The following PDE4B variants were observed in gnomAD, a reference collection of about 807,000 sequenced individuals.
PDE4B encodes phosphodiesterase 4B, also known as 3',5'-cyclic-AMP phosphodiesterase 4B.
Under a neutral mutation model 82.2 loss-of-function variants are expected in PDE4B, and 20 were observed. The ratio of observed to expected loss-of-function variants is 0.24; its 90% CI spans 0.17 to 0.35. The LOEUF is 0.35. Among genes scored for constraint, PDE4B ranks in the 10% least tolerant of loss-of-function variants. The pLI is 1.00. For synonymous variants in PDE4B, 320 were observed against 318.9 expected (o/e 1.00, Z -0.04); for missense variants, 655 against 907.2 (o/e 0.72, Z 3.57).
intron 3 of PDE4B, among the ~76,000 whole-genome samples, chr1:65,928,355 C>A (rs1273647421): frequency 3.9e-5 from 6 of 152,186 alleles, no homozygotes; most frequent in Admixed American, 3.9e-4. Context: ...ATGCAGTAGG[C>A]TTCCTATCAA....
At chr1:65,869,016 A>G (rs993817782) in intron 1 of PDE4B, among the ~76,000 whole-genome samples, 1 of 152,222 alleles carries the variant, frequency 6.6e-6, no homozygotes, top group Non-Finnish European at 1.5e-5. Context: ...GGGAATACAG[A>G]TAATCTGGGT....
intron 3 of PDE4B, among the ~76,000 whole-genome samples, chr1:66,210,137 A>G (rs1015209399): frequency 6.6e-6 from 1 of 152,184 alleles, no homozygotes; most frequent in African/African-American, 2.4e-5. Flanking sequence ...CATGTATTTA[A>G]TTATACATTT....
chr1:65,827,992 G>A (rs753009290), intron 1 of PDE4B, among the ~76,000 whole-genome samples: 3 of 152,042 alleles, frequency 2.0e-5, no homozygotes, highest in African/African-American at 7.2e-5. Flanking sequence ...CTGAAGTGAC[G>A]TATTTAAAGT....
intron 1 of PDE4B, among the ~76,000 whole-genome samples, chr1:65,840,547 A>G (rs1399376519): frequency 1.3e-5 from 2 of 152,218 alleles, no homozygotes; most frequent in East Asian, 3.8e-4. Flanking sequence ...AACAAAAAAG[A>G]GTTTGAAGAT....
chr1:66,146,499 T>G (rs1260435313), intron 3 of PDE4B, among the ~76,000 whole-genome samples: 1 of 152,116 alleles, frequency 6.6e-6, no homozygotes, highest in African/African-American at 2.4e-5. Flanking sequence ...AGTGTGATTT[T>G]ATGGACTTAG....
chr1:66,149,714 G>A (rs1303063813), intron 3 of PDE4B, among the ~76,000 whole-genome samples: 1 of 152,098 alleles, frequency 6.6e-6, no homozygotes, highest in African/African-American at 2.4e-5. Context: ...TTATCCAGGT[G>A]TGGTGGCACA....
chr1:66,296,435 G>A (rs1206891249), intron 7 of PDE4B, among the ~76,000 whole-genome samples: 2 of 152,132 alleles, frequency 1.3e-5, no homozygotes, highest in African/African-American at 4.8e-5. Flanking sequence ...TTCTTTTTCT[G>A]TTGCCAATAG....
chr1:66,221,751 C>T (rs761627062), intron 3 of PDE4B, among the ~76,000 whole-genome samples: 2 of 152,108 alleles, frequency 1.3e-5, no homozygotes, highest in Non-Finnish European at 2.9e-5. Flanking sequence ...ATATTTTCTC[C>T]TTTTATCCCT....
chr1:65,842,831 T>G (rs911588998), intron 1 of PDE4B, among the ~76,000 whole-genome samples: 3 of 152,178 alleles, frequency 2.0e-5, no homozygotes, highest in Non-Finnish European at 4.4e-5. Context: ...TAGAGTTGCA[T>G]GCAGAGCACA....
At chr1:65,936,338 T>G (rs992707437) in intron 3 of PDE4B, among the ~76,000 whole-genome samples, 5 of 152,142 alleles carry the variant, frequency 3.3e-5, no homozygotes, top group Non-Finnish European at 7.4e-5. Flanking sequence ...ACAGTAGGTT[T>G]GTTTACACCA....
chr1:66,103,924 T>TTTTTATTATTTCTTTA (rs1645280191), intron 3 of PDE4B, among the ~76,000 whole-genome samples: 1 of 152,008 alleles, frequency 6.6e-6, no homozygotes, highest in Non-Finnish European at 1.5e-5. Context: ...AGGCATTATT[T>TTTTTATTATTTCTTTA]TTTTATTATT....
At chr1:65,809,878 A>G (rs1645800142) in intron 1 of PDE4B, among the ~76,000 whole-genome samples, 1 of 152,276 alleles carries the variant, frequency 6.6e-6, no homozygotes, top group Non-Finnish European at 1.5e-5. Flanking sequence ...AATGACAAAT[A>G]TCTTGATAAA....
chr1:66,365,667 G>A lies in PDE4B; in HGVS notation c.1285G>A (p.Ala429Thr), dbSNP rs776557779. The change falls in exon 13 of 17, where the codon GCT (alanine) becomes ACT (threonine). Residue 429 changes from alanine (A) to threonine (T), a missense_variant and splice_region_variant. Ala to Thr is a moderately conservative substitution (Grantham distance 58, BLOSUM62 0). Transcript: ENST00000341517. ...HVLLSTPALDAVFTDLEILAA... is the reference protein window; with the variant it reads ...HVLLSTPALDTVFTDLEILAA... ...TTAAATGTGTTTATTTGCCCGACAG[G>A]CTGTCTTCACAGATTTGGAGATCCT... 1.9e-6 allele frequency: 3 copies of A among 1,596,246 alleles called. No individual in the cohort carries two copies. Among genetic ancestry groups the A allele is most frequent in the African/African-American group, 1.3e-5 (1 of 74,640 alleles).
At chr1:65,995,710 C>T (rs1043473084) in intron 3 of PDE4B, among the ~76,000 whole-genome samples, 6 of 152,258 alleles carry the variant, frequency 3.9e-5, no homozygotes, top group South Asian at 2.1e-4. Context: ...CAGCCTTTCA[C>T]GATCAACAAT....
intron 3 of PDE4B, among the ~76,000 whole-genome samples, chr1:66,194,954 T>A (rs886718311): frequency 3.3e-5 from 5 of 152,164 alleles, no homozygotes; most frequent in African/African-American, 1.2e-4. Flanking sequence ...TATATAATTG[T>A]GAGTCATTAC....
At chr1:66,241,697 A>AT (rs1425887068) in intron 3 of PDE4B, among the ~76,000 whole-genome samples, 7 of 152,044 alleles carry the variant, frequency 4.6e-5, no homozygotes, top group African/African-American at 1.4e-4. Context: ...GAAACACAGC[A>AT]TTTTTTCATG....
At chr1:66,056,486 A>ATCG (rs1655301444) in intron 3 of PDE4B, among the ~76,000 whole-genome samples, 1 of 55,566 alleles carries the variant, frequency 1.8e-5, no homozygotes, top group Non-Finnish European at 4.1e-5. Context: ...TCTATCTATC[A>ATCG]TCTATCTATC....
intron 1 of PDE4B, among the ~76,000 whole-genome samples, chr1:65,806,702 A>T (rs561481027): frequency 6.6e-6 from 1 of 152,308 alleles, no homozygotes; most frequent in South Asian, 2.1e-4. Flanking sequence ...ATGTTGTTAA[A>T]CATGCTTGAT....
At chr1:65,821,964 G>A (rs1645957858) in intron 1 of PDE4B, among the ~76,000 whole-genome samples, 2 of 152,140 alleles carry the variant, frequency 1.3e-5, no homozygotes, top group East Asian at 1.9e-4. Flanking sequence ...AAAACAGAAC[G>A]TTACCAACAT....
Sources: gnomAD v4.1 joint callset for allele counts (sites outside exome capture counted in the v4.1 genomes callset) on GRCh38, gnomAD v4.1.1 for gene constraint, MANE v1.5 for transcripts, NCBI Gene and HGNC (gene_info 2026-07-23, HGNC 2026-07-21) for gene names.